ZZEF1: variants seen among roughly 807,000 people sequenced by gnomAD.
ZZEF1 encodes zinc finger ZZ-type and EF-hand domain-containing protein 1.
In ZZEF1, 157 loss-of-function variants were observed where a neutral mutation model predicts 342.8. The ratio of observed to expected loss-of-function variants is 0.46; its 90% CI spans 0.40 to 0.52. The LOEUF (loss-of-function observed/expected upper bound fraction) is 0.52. Ranked by LOEUF, ZZEF1 falls within the 20% of genes least tolerant of loss-of-function variation. ZZEF1 has a pLI of 0.00. For synonymous variants in ZZEF1, 1,505 were observed against 1,429.1 expected, an observed-to-expected ratio of 1.05 and a Z score of -1.20; for missense variants, 3,480 against 3,725.6, an observed-to-expected ratio of 0.93 and a Z score of 1.72.
chr17:4,066,627 A>G (rs1597839967), intron 27 of ZZEF1, 87 bp from the exon 28 acceptor site: 2 of 1,068,112 alleles, frequency 1.9e-6, no homozygotes, highest in African/African-American at 3.1e-5. Context: ...AGCACACAGC[A>G]CTGACACCAC....
chr17:4,106,657 T>C (rs1292218518), intron 6 of ZZEF1, among the ~76,000 whole-genome samples: 1 of 152,176 alleles, frequency 6.6e-6, no homozygotes, highest in Admixed American at 6.5e-5. Flanking sequence ...TTTTCTTGTC[T>C]TTGCTTACAT....
intron 1 of ZZEF1, among the ~76,000 whole-genome samples, chr17:4,137,278 C>G (rs1238466215): frequency 6.6e-6 from 1 of 152,116 alleles, no homozygotes; most frequent in East Asian, 1.9e-4. Flanking sequence ...ACCATTAACT[C>G]CCCCATAGCA....
intron 21 of ZZEF1, among the ~76,000 whole-genome samples, chr17:4,075,715 T>C (rs1001817991): frequency 6.6e-6 from 1 of 152,100 alleles, no homozygotes; most frequent in African/African-American, 2.4e-5. Flanking sequence ...CCAGTGTGAA[T>C]TCCCAGTGGA....
intron 52 of ZZEF1, 112 bp from the exon 53 acceptor site, chr17:4,009,869 A>T: frequency 7.8e-7 from 1 of 1,285,892 alleles, no homozygotes; most frequent in Non-Finnish European, 1.1e-6. Flanking sequence ...CAGCTGGTAC[A>T]AATGATTATA....
At chr17:4,139,196 C>T (rs943149635) in intron 1 of ZZEF1, among the ~76,000 whole-genome samples, 1 of 149,562 alleles carries the variant, frequency 6.7e-6, no homozygotes, top group Non-Finnish European at 1.5e-5. Flanking sequence ...GATAATGTTT[C>T]AGACTTTGGT....
intron 12 of ZZEF1, 133 bp from the exon 13 acceptor site, chr17:4,089,026 T>C (rs1803302878): frequency 2.8e-6 from 2 of 712,014 alleles, no homozygotes; most frequent in East Asian, 2.7e-5. Context: ...TGCTCAGCAC[T>C]AGGGACACAA....
intron 30 of ZZEF1, among the ~76,000 whole-genome samples, chr17:4,061,257 T>C (rs1333902182): frequency 1.3e-5 from 2 of 152,202 alleles, no homozygotes; most frequent in Non-Finnish European, 2.9e-5. Flanking sequence ...TCTTATCTTT[T>C]GAGATCCATT....
intron 40 of ZZEF1, chr17:4,033,244 G>C (rs918121410): frequency 1.4e-5 from 6 of 438,142 alleles, no homozygotes; most frequent in African/African-American, 1.2e-4. Context: ...AATCACCTGT[G>C]TGTGTGCACA....
rs148228979 is a variant in ZZEF1, at chr17:4,096,693, A to G, written c.1680T>C (p.Leu560=). 5 of 1,613,918 alleles carry G rather than the reference A, an allele frequency of 3.1e-6. No individual in the cohort carries two copies. The highest frequency in any genetic ancestry group is 4.2e-6 in the Non-Finnish European group (5 of 1,179,918). The stretch of plus-strand genomic sequence containing the variant: ...TGGCTCTGGTTTTTCCAGTTTCCGT[A>G]AGAAAACCTGAAAAAAGGGAAAACT... ...LVEPWTRDGF[L]TETGKTRAST... Residue 560 remains leucine, a synonymous_variant, in exon 10 of 55, where the codon CTT becomes CTC. Transcript: ENST00000381638.
intron 17 of ZZEF1, 44 bp downstream of exon 17, chr17:4,082,393 A>G (rs375211234): frequency 2.8e-5 from 45 of 1,598,708 alleles, no homozygotes; most frequent in East Asian, 4.5e-5. Context: ...ACAACTTTGC[A>G]AAGATTTGAG....
chr17:4,029,060 A>G (rs2056479024), intron 42 of ZZEF1, among the ~76,000 whole-genome samples: 1 of 152,374 alleles, frequency 6.6e-6, no homozygotes. Context: ...GAACAAGTAG[A>G]TAAAACATCA....
rs112892536 is a variant in ZZEF1, at chr17:4,093,889, C to T, written c.1913+1942G>A. On this transcript the variant is annotated intron_variant, in intron 11 of 54. Coordinates refer to ENST00000381638, the MANE Select transcript of ZZEF1 (RefSeq NM_015113.4). Reference sequence around the variant, plus strand: ...CCAAGGGGGCACCAGTGGCTACATCCGACAGATCCACTTTTAGACTTTACC... The same window carrying T: ...CCAAGGGGGCACCAGTGGCTACATCTGACAGATCCACTTTTAGACTTTACC... 2.8e-3 allele frequency among the ~76,000 whole-genome samples: 421 copies of T among 152,252 alleles called. 9 individuals are homozygous for T. The highest frequency in any genetic ancestry group is 9.5e-3 in the African/African-American group (396 of 41,550).
At chr17:4,095,360 G>A (rs1429997395) in intron 11 of ZZEF1, among the ~76,000 whole-genome samples, 2 of 152,166 alleles carry the variant, frequency 1.3e-5, no homozygotes, top group Non-Finnish European at 2.9e-5. Flanking sequence ...GATACTGCAA[G>A]TTTTCTTACC....
chr17:4,013,969 G>GA, intron 51 of ZZEF1, 121 bp downstream of exon 51: 1 of 945,214 alleles, frequency 1.1e-6, no homozygotes, highest in Non-Finnish European at 1.6e-6. Flanking sequence ...GACAAATTTG[G>GA]AAAGTGTGAG....
chr17:4,131,407 T>C (rs1202654673), intron 1 of ZZEF1, among the ~76,000 whole-genome samples: 1 of 151,964 alleles, frequency 6.6e-6, no homozygotes, highest in Non-Finnish European at 1.5e-5. Flanking sequence ...GGGACTAAAT[T>C]AATGATAAAA....
chr17:4,034,316 TG>T, intron 39 of ZZEF1, 24 bp from the exon 40 acceptor site: 6 of 1,611,916 alleles, frequency 3.7e-6, no homozygotes, highest in Non-Finnish European at 5.1e-6. Context: ...GAGAGAAATC[TG>T]TTCAGTACAA....
At chr17:4,072,812 T>A (rs1429783375) in intron 24 of ZZEF1, 56 bp from the exon 25 acceptor site, 69 of 1,489,288 alleles carry the variant, frequency 4.6e-5, no homozygotes, top group Non-Finnish European at 5.9e-5. Context: ...ATATTGAGAA[T>A]CTTTGAAATG....
At chr17:4,072,266 G>A (rs2057524400) in intron 25 of ZZEF1, among the ~76,000 whole-genome samples, 1 of 152,172 alleles carries the variant, frequency 6.6e-6, no homozygotes, top group Non-Finnish European at 1.5e-5. Context: ...TAATTCTAAG[G>A]AGAACAAAAG....
chr17:4,132,951 G>C (rs535259471), intron 1 of ZZEF1, among the ~76,000 whole-genome samples: 1 of 151,338 alleles, frequency 6.6e-6, no homozygotes, highest in African/African-American at 2.4e-5. Context: ...GGGCGACAGA[G>C]CGAGACTCCA....
Sources: gnomAD v4.1 joint callset for allele counts (sites outside exome capture counted in the v4.1 genomes callset) on GRCh38, gnomAD v4.1.1 for gene constraint, MANE v1.5 for transcripts, NCBI Gene and HGNC (gene_info 2026-07-23, HGNC 2026-07-21) for gene names.